Variants in FRMPD4 observed in about 807,000 individuals in gnomAD.
The protein encoded by FRMPD4 is FERM and PDZ domain-containing protein 4.
Under a neutral mutation model 94.1 loss-of-function variants are expected in FRMPD4, and 22 were observed. The observed-to-expected ratio is 0.23, with a 90% CI of 0.17 to 0.33. FRMPD4 has a LOEUF of 0.33. Ranked by LOEUF, FRMPD4 falls within the 10% of genes least tolerant of loss-of-function variation. The pLI is 1.00. For synonymous variants in FRMPD4, 631 were observed against 548.6 expected (o/e 1.15, Z -2.10); for missense variants, 1,111 against 1,339.9 (o/e 0.83, Z 2.67).
At chrX:12,508,048 G>A (rs749072854) in intron 2 of FRMPD4, among the ~76,000 whole-genome samples, 3 of 112,226 alleles carry the variant, frequency 2.7e-5, no homozygotes, top group Admixed American at 9.4e-5. Context: ...AGCAATTTGC[G>A]CTTACTAATG....
chrX:12,678,859 C>G (rs751966270), intron 5 of FRMPD4, among the ~76,000 whole-genome samples: 6 of 112,382 alleles, frequency 5.3e-5, no homozygotes, highest in Non-Finnish European at 1.1e-4. Flanking sequence ...AACTTCCCCT[C>G]ATGCAACCCC....
Position 12,706,867 on chromosome X carries a change from C to A in FRMPD4, c.1239C>A (p.Leu413=). The A allele has an allele frequency of 8.5e-7, 1 of 1,180,056 alleles. No homozygotes were observed. The highest frequency in any genetic ancestry group is 1.1e-6 in the Non-Finnish European group (1 of 869,708). Residue 413 remains leucine (L), a synonymous_variant, in exon 12 of 17, where the codon CTC becomes CTA. Coordinates refer to ENST00000675598, the MANE Select transcript of FRMPD4 (RefSeq NM_001368397.1). ...LQAKVHYLKF[L]SDLRLYGGRV... ...CCAAGGTCCATTATCTCAAGTTCCT[C>A]AGTGACCTACGATTGTATGGGGGCC...
chrX:12,468,104 G>A (rs1243027286), intron 1 of FRMPD4, among the ~76,000 whole-genome samples: 4 of 112,093 alleles, frequency 3.6e-5, no homozygotes, highest in Non-Finnish European at 7.5e-5. Context: ...GAATTACTAA[G>A]TTTTGTGAAT....
In FRMPD4 at chrX:11,970,306, G is replaced by A. The variant is rs973966206; in HGVS notation, c.95+92288G>A. Among the ~76,000 whole-genome samples, 9 of 111,726 alleles carry A rather than the reference G, an allele frequency of 8.1e-5. No homozygotes were observed. In the Admixed American group the frequency reaches 8.5e-4, roughly 11 times the overall value. ...ATCTGGTGATCTTCTCTTCTTATAGGCTCTTTGTACTTTGTATAGTTGATC... is the reference window on the plus strand; with the variant it reads ...ATCTGGTGATCTTCTCTTCTTATAGACTCTTTGTACTTTGTATAGTTGATC... On this transcript the variant is annotated intron_variant, in intron 3 of 18. Coordinates refer to the FRMPD4 transcript ENST00000640291.
In FRMPD4 at chrX:11,934,724, A is replaced by G. The variant is rs560440317; in HGVS notation, c.95+56706A>G. The stretch of plus-strand genomic sequence containing the variant: ...CTCTTTGAAGTTATGAACAATGTCT[A>G]TCTCTCCCACTGCTCTATTCCCAAG... On this transcript the variant is annotated intron_variant, in intron 3 of 18. Coordinates refer to the FRMPD4 transcript ENST00000640291. Among the ~76,000 whole-genome samples, 12 of 112,039 alleles carry G rather than the reference A, an allele frequency of 1.1e-4. No homozygotes were observed. The South Asian group carries it at 3.0e-3, about 28-fold the overall frequency.
At chrX:12,189,520 A>G (rs1414082005) in intron 1 of FRMPD4, among the ~76,000 whole-genome samples, 1 of 112,033 alleles carries the variant, frequency 8.9e-6, no homozygotes, top group African/African-American at 3.2e-5. Context: ...CCAATGAAAT[A>G]TTAGCAAATT....
At chrX:12,689,905 CA>C (rs2060064065) in intron 7 of FRMPD4, among the ~76,000 whole-genome samples, 1 of 112,370 alleles carries the variant, frequency 8.9e-6, no homozygotes, top group South Asian at 3.7e-4. Context: ...CTTTCTATAT[CA>C]AGAGCTTACA....
At chrX:12,196,569 G>A (rs2056569781) in intron 1 of FRMPD4, among the ~76,000 whole-genome samples, 1 of 109,492 alleles carries the variant, frequency 9.1e-6, no homozygotes, top group South Asian at 3.9e-4. Flanking sequence ...CAGTTAAGTG[G>A]TGATTGATAC....
chrX:12,521,762 G>C (rs1480037376), intron 2 of FRMPD4, among the ~76,000 whole-genome samples: 3 of 111,829 alleles, frequency 2.7e-5, no homozygotes, highest in African/African-American at 9.8e-5. Context: ...CAAAATGTGA[G>C]TTTAAAGATC....
At chrX:12,607,654 G>T (rs756493699) in intron 2 of FRMPD4, among the ~76,000 whole-genome samples, 1 of 112,093 alleles carries the variant, frequency 8.9e-6, no homozygotes, top group Non-Finnish European at 1.9e-5. Flanking sequence ...CTTGGCATTT[G>T]CAAAGAAGGA....
chrX:12,660,918 C>G (rs2059707061), intron 4 of FRMPD4, among the ~76,000 whole-genome samples: 1 of 111,849 alleles, frequency 8.9e-6, no homozygotes, highest in Non-Finnish European at 1.9e-5. Context: ...ATAGTGAAAG[C>G]TGGCCAGGCA....
rs932682081 is a variant in FRMPD4, at chrX:12,648,251, G to A, written c.423-26612G>A. On this transcript the variant is annotated intron_variant, in intron 4 of 16. Coordinates refer to ENST00000675598, the MANE Select transcript of FRMPD4 (RefSeq NM_001368397.1). ...CTTCGTAGACTTCTCTCACCCAAAA[G>A]CCACTCACCACTCATCTTGTGTCCT... Among the ~76,000 whole-genome samples the A allele has an allele frequency of 2.7e-5, 3 of 111,493 alleles. No homozygotes were observed. The South Asian group carries it at 1.1e-3, about 42-fold the overall frequency.
upstream of FRMPD4, among the ~76,000 whole-genome samples, chrX:12,133,778 G>T (rs1188434925): frequency 1.8e-5 from 2 of 111,374 alleles, no homozygotes; most frequent in Non-Finnish European, 3.8e-5. Context: ...CTTGCAACAG[G>T]CTCCTAAATC....
chrX:12,319,458 G>A (rs746988651), intron 1 of FRMPD4, among the ~76,000 whole-genome samples: 1 of 112,039 alleles, frequency 8.9e-6, no homozygotes, highest in Non-Finnish European at 1.9e-5. Flanking sequence ...CGACCCAGGT[G>A]GTTCCCATGT....
At chrX:11,976,556 A>C (rs188206043) in intron 3 of FRMPD4, among the ~76,000 whole-genome samples, 14 of 112,399 alleles carry the variant, frequency 1.2e-4, no homozygotes, top group Admixed American at 4.7e-4. Context: ...CTTTTCTGGC[A>C]AGGGCATCAA....
At chrX:12,084,940 G>T (rs2055095290) in intron 3 of FRMPD4, among the ~76,000 whole-genome samples, 1 of 111,964 alleles carries the variant, frequency 8.9e-6, no homozygotes, top group Non-Finnish European at 1.9e-5. Context: ...ACAGTTGTTT[G>T]GATATCATCA....
intron 4 of FRMPD4, among the ~76,000 whole-genome samples, chrX:12,664,822 A>C (rs1160746984): frequency 9.0e-6 from 1 of 111,671 alleles, no homozygotes; most frequent in Non-Finnish European, 1.9e-5. Flanking sequence ...GGCTGTGAAT[A>C]TGTCTAGTCC....
intron 14 of FRMPD4, among the ~76,000 whole-genome samples, chrX:12,714,199 A>G (rs7890017): frequency 8.9e-6 from 1 of 111,924 alleles, no homozygotes; most frequent in Non-Finnish European, 1.9e-5. Context: ...TTTAAACAAC[A>G]TAAGTTTATC....
rs1315813088 is a variant in FRMPD4, at chrX:12,053,401, AGAAAGAAAG to A, written c.95+175384_95+175392del. ...AAGAAAGAAAGAAAGAAAGAAAGAA[AGAAAGAAAG>A]AAAGAAAGAAAGAAAGAAAGAGAAA... is the stretch of plus-strand genomic sequence containing the variant. On this transcript the variant is annotated intron_variant, in intron 3 of 18. Transcript: ENST00000640291. 8.8e-5 allele frequency among the ~76,000 whole-genome samples: 9 copies of A among 102,641 alleles called. 1 individual carries two copies. Among genetic ancestry groups the A allele is most frequent in the African/African-American group, 3.2e-4 (9 of 28,420 alleles). 89.1% of individuals were successfully genotyped at this position (102,641 alleles called of 115,157 possible).
Sources: gnomAD v4.1 joint callset for allele counts (sites outside exome capture counted in the v4.1 genomes callset) on GRCh38, gnomAD v4.1.1 for gene constraint, MANE v1.5 for transcripts, NCBI Gene and HGNC (gene_info 2026-07-23, HGNC 2026-07-21) for gene names.